Variants in CA10 observed in about 807,000 individuals in gnomAD.
The protein encoded by CA10 is carbonic anhydrase-related protein 10.
In CA10, 14 loss-of-function variants were observed where a neutral mutation model predicts 44.2. That is an observed-to-expected ratio of 0.32 (90% confidence interval 0.21 to 0.50). CA10 has a LOEUF of 0.50. CA10 is among the 20% of genes least tolerant of loss of function. The probability of loss-of-function intolerance (pLI) is 0.99; values close to 1 mark genes in which losing one functional copy is unlikely to be tolerated. For synonymous variants in CA10, 159 were observed against 141.6 expected, an observed-to-expected ratio of 1.12 and a Z score of -0.87; for missense variants, 350 against 409.7, an observed-to-expected ratio of 0.85 and a Z score of 1.26.
intron 4 of CA10, among the ~76,000 whole-genome samples, chr17:51,701,114 G>T (rs1289058593): frequency 6.6e-6 from 1 of 152,064 alleles, no homozygotes. Flanking sequence ...TCAAAAGTCT[G>T]ATATCAAGGT....
intron 3 of CA10, among the ~76,000 whole-genome samples, chr17:51,830,584 G>C (rs1337516856): frequency 6.6e-6 from 1 of 152,116 alleles, no homozygotes; most frequent in African/African-American, 2.4e-5. Context: ...TCATTAAATG[G>C]CTCTGTCACA....
At chr17:52,087,757 A>G (rs1988156746) in intron 1 of CA10, among the ~76,000 whole-genome samples, 1 of 152,238 alleles carries the variant, frequency 6.6e-6, no homozygotes, top group Non-Finnish European at 1.5e-5. Flanking sequence ...AAATGAAAAT[A>G]CAACATAGAA....
chr17:51,830,924 T>C (rs781596709), intron 3 of CA10, among the ~76,000 whole-genome samples: 1 of 152,152 alleles, frequency 6.6e-6, no homozygotes, highest in Non-Finnish European at 1.5e-5. Flanking sequence ...AGGCCTGAAC[T>C]TGGGTTCTAT....
At chr17:51,936,188 C>T in intron 2 of CA10, among the ~76,000 whole-genome samples, 1 of 152,118 alleles carries the variant, frequency 6.6e-6, no homozygotes, top group African/African-American at 2.4e-5. Context: ...TGAGGACCTA[C>T]TATGTGTCAG....
chr17:51,800,017 T>G lies in CA10; in HGVS notation c.280-52199A>C, dbSNP rs139707745. ...TACAACACTTCCACTCCTAGGTATA[T>G]GCCCAAGAGAAATAAAAATGTATGT... On this transcript the variant is annotated intron_variant, in intron 3 of 8. Transcript: ENST00000451037. 9.2e-5 allele frequency among the ~76,000 whole-genome samples: 14 copies of G among 152,302 alleles called. No homozygotes were observed. In the East Asian group the frequency reaches 2.7e-3, roughly 29 times the overall value.
intron 1 of CA10, among the ~76,000 whole-genome samples, chr17:52,136,382 A>T (rs1438861450): frequency 6.6e-6 from 1 of 152,134 alleles, no homozygotes; most frequent in Non-Finnish European, 1.5e-5. Flanking sequence ...AATGGGGAGG[A>T]TCCTGATTTA....
chr17:51,994,450 T>G (rs1047632999), intron 2 of CA10, among the ~76,000 whole-genome samples: 2 of 152,048 alleles, frequency 1.3e-5, no homozygotes, highest in African/African-American at 2.4e-5. Flanking sequence ...TAAGGAGTTT[T>G]GGGCAGGACA....
At chr17:52,066,865 A>G (rs1209117440) in intron 2 of CA10, among the ~76,000 whole-genome samples, 1 of 152,206 alleles carries the variant, frequency 6.6e-6, no homozygotes, top group African/African-American at 2.4e-5. Context: ...TATCTGGCAG[A>G]AGAAATTTCT....
chr17:51,633,745 A>G, intron 7 of CA10, 95 bp from the exon 8 acceptor site: 1 of 1,358,634 alleles, frequency 7.4e-7, no homozygotes, highest in Non-Finnish European at 1.0e-6. Context: ...GCTAGGTGGT[A>G]TTGGCTGTAT....
At chr17:51,951,098 T>C (rs943915658) in intron 2 of CA10, among the ~76,000 whole-genome samples, 3 of 152,282 alleles carry the variant, frequency 2.0e-5, no homozygotes, top group African/African-American at 7.2e-5. Flanking sequence ...AATTCCTACA[T>C]AATACATATC....
At chr17:51,664,557 C>CAAA (rs11367609) in intron 4 of CA10, among the ~76,000 whole-genome samples, 1 of 137,146 alleles carries the variant, frequency 7.3e-6, no homozygotes, top group Non-Finnish European at 1.6e-5. Flanking sequence ...ATGAAGTATA[C>CAAA]AAAAAAAAAA....
intron 3 of CA10, among the ~76,000 whole-genome samples, chr17:51,773,092 A>G (rs111643449): frequency 6.6e-6 from 1 of 152,328 alleles, no homozygotes; most frequent in African/African-American, 2.4e-5. Context: ...CTACCTGACT[A>G]ACATATTGAC....
At chr17:51,855,023 C>T (rs1978976876) in intron 3 of CA10, among the ~76,000 whole-genome samples, 1 of 152,122 alleles carries the variant, frequency 6.6e-6, no homozygotes, top group African/African-American at 2.4e-5. Flanking sequence ...CCATTTGGTT[C>T]TGGGGAAGGT....
chr17:51,979,301 T>C (rs1178858159), intron 2 of CA10, among the ~76,000 whole-genome samples: 2 of 152,144 alleles, frequency 1.3e-5, no homozygotes, highest in Admixed American at 6.6e-5. Flanking sequence ...AGAACAAATA[T>C]CTTAGTAATA....
intron 3 of CA10, among the ~76,000 whole-genome samples, chr17:51,842,540 TTA>T (rs1375246598): frequency 6.6e-6 from 1 of 152,200 alleles, no homozygotes; most frequent in Non-Finnish European, 1.5e-5. Flanking sequence ...TGAGCAGTCA[TTA>T]TATGTTACAT....
chr17:51,969,177 C>G (rs1045598784), intron 2 of CA10, among the ~76,000 whole-genome samples: 7 of 152,024 alleles, frequency 4.6e-5, no homozygotes, highest in African/African-American at 1.7e-4. Flanking sequence ...GCCTAGTTCT[C>G]CACTCAACAC....
intron 1 of CA10, among the ~76,000 whole-genome samples, chr17:52,132,994 T>A (rs1274657623): frequency 6.6e-6 from 1 of 152,140 alleles, no homozygotes; most frequent in South Asian, 2.1e-4. Context: ...CAGAGGACCA[T>A]GGGCAGGCTG....
intron 1 of CA10, among the ~76,000 whole-genome samples, chr17:52,131,932 T>G (rs1989249993): frequency 6.6e-6 from 1 of 151,926 alleles, no homozygotes; most frequent in South Asian, 2.1e-4. Context: ...ACACTGCATG[T>G]TCTCACTCAT....
chr17:51,772,789 G>A (rs551185015), intron 3 of CA10, among the ~76,000 whole-genome samples: 1 of 152,262 alleles, frequency 6.6e-6, no homozygotes, highest in Admixed American at 6.5e-5. Flanking sequence ...TCAAGTTCAA[G>A]TACCTTGTTG....
Sources: gnomAD v4.1 joint callset for allele counts (sites outside exome capture counted in the v4.1 genomes callset) on GRCh38, gnomAD v4.1.1 for gene constraint, MANE v1.5 for transcripts, NCBI Gene and HGNC (gene_info 2026-07-23, HGNC 2026-07-21) for gene names.